Variants in WASL observed in about 807,000 individuals in gnomAD.
The protein encoded by WASL is WASP like actin nucleation promoting factor.
A neutral mutation model predicts 55.5 loss-of-function variants in WASL; 20 were observed. The observed-to-expected ratio is 0.36, with a 90% confidence interval of 0.25 to 0.52. The LOEUF (loss-of-function observed/expected upper bound fraction) is 0.52, where lower values mean the gene tolerates loss of function less well. Ranked by LOEUF, WASL falls within the 20% of genes least tolerant of loss-of-function variation. WASL has a pLI of 0.92. For synonymous variants in WASL, 249 were observed against 217.6 expected (o/e 1.14, Z -1.27); for missense variants, 504 against 622.5 (o/e 0.81, Z 2.03).
chr7:123,704,620 G>C lies in WASL; in HGVS notation c.460+14C>G, dbSNP rs2094785292. 6.6e-7 allele frequency: 1 copy of C among 1,509,434 alleles called. No individual in the cohort carries two copies. The highest frequency in any genetic ancestry group is 9.1e-7 in the Non-Finnish European group (1 of 1,104,420). 93.5% of individuals were successfully genotyped at this position (1,509,434 alleles called of 1,614,324 possible). A position where few individuals can be genotyped will look rare whatever the true frequency, so the allele number is the denominator to read the frequency against. On this transcript the variant is annotated intron_variant, in intron 5 of 10. Coordinates refer to ENST00000223023, the MANE Select transcript of WASL (RefSeq NM_003941.4). ...CTAAAATCTTAAAAGATTAATAATT[G>C]TCAAAAAGCTTACCATTTGGGGGAT... is the stretch of plus-strand genomic sequence containing the variant.
chr7:123,735,127 T>A (rs1239034960), intron 1 of WASL, among the ~76,000 whole-genome samples: 2 of 114,520 alleles, frequency 1.7e-5, no homozygotes, highest in East Asian at 5.4e-4. Context: ...TGCAAGTGTC[T>A]GACCAAAAAA....
chr7:123,731,146 G>A (rs1419437701), intron 1 of WASL, among the ~76,000 whole-genome samples: 1 of 152,088 alleles, frequency 6.6e-6, no homozygotes, highest in Non-Finnish European at 1.5e-5. Context: ...ATGCTTCAGA[G>A]TAAGTATGTA....
At chr7:123,696,118 T>C (rs918810243) in intron 6 of WASL, among the ~76,000 whole-genome samples, 2 of 152,056 alleles carry the variant, frequency 1.3e-5, no homozygotes, top group African/African-American at 2.4e-5. Context: ...TCCTTAATTG[T>C]CAAATTAGCA....
chr7:123,744,270 G>C (rs1804393697), intron 1 of WASL, among the ~76,000 whole-genome samples: 1 of 152,174 alleles, frequency 6.6e-6, no homozygotes, highest in African/African-American at 2.4e-5. Flanking sequence ...CTAAAGTCCA[G>C]ATACCATGTG....
intron 2 of WASL, among the ~76,000 whole-genome samples, chr7:123,707,866 A>G (rs1803697219): frequency 6.6e-6 from 1 of 152,160 alleles, no homozygotes; most frequent in Non-Finnish European, 1.5e-5. Flanking sequence ...CATATCTCTC[A>G]GCTGTCTTGG....
intron 7 of WASL, 30 bp downstream of exon 7, chr7:123,695,793 A>T (rs1181904993): frequency 6.2e-7 from 1 of 1,608,364 alleles, no homozygotes; most frequent in South Asian, 1.1e-5. Context: ...ACATACAGTT[A>T]TAACGTATAT....
chr7:123,716,697 AAG>A (rs1803848787), intron 1 of WASL, among the ~76,000 whole-genome samples: 1 of 151,878 alleles, frequency 6.6e-6, no homozygotes, highest in South Asian at 2.1e-4. Flanking sequence ...GGGGGAGAGA[AAG>A]AGAGATTTTT....
At chr7:123,729,778 C>G (rs1033807744) in intron 1 of WASL, among the ~76,000 whole-genome samples, 9 of 152,050 alleles carry the variant, frequency 5.9e-5, no homozygotes, top group African/African-American at 1.7e-4. Flanking sequence ...ACTTTGAGCT[C>G]CCTTAATATG....
chr7:123,697,357 G>A (rs950522077), intron 5 of WASL, among the ~76,000 whole-genome samples: 1 of 152,100 alleles, frequency 6.6e-6, no homozygotes, highest in Non-Finnish European at 1.5e-5. Context: ...CTCATCTTGT[G>A]CAAGAATCAA....
intron 6 of WASL, among the ~76,000 whole-genome samples, chr7:123,696,336 T>C (rs955056506): frequency 2.0e-5 from 3 of 151,800 alleles, no homozygotes; most frequent in Non-Finnish European, 4.4e-5. Context: ...AACAACTTTA[T>C]CTAATTTTTC....
rs770207097 is a variant in WASL, at chr7:123,684,468, T to C, written c.*51A>G. 5 of 521,138 alleles carry C rather than the reference T, an allele frequency of 9.6e-6. No homozygotes were observed. The highest frequency in any genetic ancestry group is 1.7e-5 in the Non-Finnish European group (5 of 299,376). 32.3% of individuals were successfully genotyped at this position (521,138 alleles called of 1,614,324 possible). On this transcript the variant is annotated 3_prime_UTR_variant, in exon 11 of 11. Coordinates refer to ENST00000223023, the MANE Select transcript of WASL (RefSeq NM_003941.4). ...TTTTACAGAATCCACAGACAGAAAG[T>C]AGTGTTTAGTATTTCACCTTAAAAA...
chr7:123,723,408 CA>C (rs761941877), intron 1 of WASL, among the ~76,000 whole-genome samples: 13 of 152,090 alleles, frequency 8.5e-5, no homozygotes, highest in Non-Finnish European at 1.9e-4. Flanking sequence ...CACTTCAATA[CA>C]GTAGAGAGTA....
Position 123,702,133 on chromosome 7 carries a change from G to C in WASL, c.460+2501C>G, listed in dbSNP as rs189868698. ...GCAATGGTGTGATCTCGGCTCACTTGCAACCTCCGCCTTCTGGGTTCAAGC... is the reference window on the plus strand; with the variant it reads ...GCAATGGTGTGATCTCGGCTCACTTCCAACCTCCGCCTTCTGGGTTCAAGC... On this transcript the variant is annotated intron_variant, in intron 5 of 10. Coordinates refer to ENST00000223023, the MANE Select transcript of WASL (RefSeq NM_003941.4). 2.5e-3 allele frequency among the ~76,000 whole-genome samples: 374 copies of C among 151,038 alleles called. 3 individuals are homozygous for C. Among genetic ancestry groups the C allele is most frequent in the African/African-American group, 8.4e-3 (346 of 41,100 alleles).
chr7:123,690,375 T>C (rs897512358), intron 9 of WASL, among the ~76,000 whole-genome samples: 1 of 152,228 alleles, frequency 6.6e-6, no homozygotes. Flanking sequence ...GTTAATCATA[T>C]TCATCACAGA....
chr7:123,718,544 G>A (rs751948089), intron 1 of WASL, among the ~76,000 whole-genome samples: 7 of 152,118 alleles, frequency 4.6e-5, no homozygotes, highest in Non-Finnish European at 8.8e-5. Context: ...TATATTCAAT[G>A]TTTTAAGAAT....
intron 5 of WASL, among the ~76,000 whole-genome samples, chr7:123,701,844 C>A (rs559195188): frequency 6.6e-6 from 1 of 151,632 alleles, no homozygotes; most frequent in East Asian, 1.9e-4. Context: ...TTATTTCATT[C>A]TTTGTGTATT....
At chr7:123,736,191 A>C (rs1804225228) in intron 1 of WASL, among the ~76,000 whole-genome samples, 1 of 152,106 alleles carries the variant, frequency 6.6e-6, no homozygotes, top group Non-Finnish European at 1.5e-5. Context: ...TTCTTTCAAG[A>C]ACTGGGATAA....
chr7:123,712,308 T>C (rs749986794), intron 1 of WASL, among the ~76,000 whole-genome samples: 35 of 152,202 alleles, frequency 2.3e-4, no homozygotes, highest in Non-Finnish European at 3.7e-4. Context: ...AAAGTAGTTC[T>C]GCAAGCTTGT....
At chr7:123,748,416 C>G (rs1322356012) in intron 1 of WASL, among the ~76,000 whole-genome samples, 2 of 151,496 alleles carry the variant, frequency 1.3e-5, no homozygotes, top group Non-Finnish European at 2.9e-5. Flanking sequence ...TCCAGCAGCT[C>G]GGGAAGGCGG....
Sources: allele counts gnomAD v4.1 joint callset (sites outside exome capture counted in the v4.1 genomes callset), GRCh38; gene constraint gnomAD v4.1.1; transcripts MANE v1.5; gene names NCBI Gene and HGNC (gene_info 2026-07-23, HGNC 2026-07-21).